The following NEK6 variants were observed in gnomAD, a reference collection of about 807,000 sequenced individuals.
NEK6 encodes serine/threonine-protein kinase Nek6.
NEK6 carries 27 observed loss-of-function variants against 43.5 expected under a neutral mutation model. The ratio of observed to expected loss-of-function variants is 0.62; its 90% CI spans 0.46 to 0.86. The LOEUF (loss-of-function observed/expected upper bound fraction) is 0.86. Among genes scored for constraint, NEK6 ranks in the 40% least tolerant of loss-of-function variants. The pLI is 0.00. For synonymous variants in NEK6, 167 were observed against 164.1 expected, an observed-to-expected ratio of 1.02 and a Z score of -0.14; for missense variants, 318 against 414.4, an observed-to-expected ratio of 0.77 and a Z score of 2.02.
intron 1 of NEK6, among the ~76,000 whole-genome samples, chr9:124,293,348 A>T (rs1466050838): frequency 1.3e-5 from 2 of 152,238 alleles, no homozygotes; most frequent in Non-Finnish European, 2.9e-5. Context: ...GGAAGCACTC[A>T]GCAGATCTCA....
chr9:124,310,158 T>C (rs1046120691), intron 2 of NEK6, among the ~76,000 whole-genome samples: 2 of 152,180 alleles, frequency 1.3e-5, no homozygotes, highest in African/African-American at 4.8e-5. Flanking sequence ...ACACCCCAGC[T>C]CTGCTGTTCT....
intron 8 of NEK6, among the ~76,000 whole-genome samples, chr9:124,347,300 T>C (rs1225273489): frequency 1.3e-5 from 2 of 152,156 alleles, no homozygotes; most frequent in Non-Finnish European, 2.9e-5. Context: ...TCTGAACATG[T>C]GGGGCACAGA....
chr9:124,279,150 G>A (rs1307402356), intron 1 of NEK6, among the ~76,000 whole-genome samples: 2 of 152,014 alleles, frequency 1.3e-5, no homozygotes, highest in South Asian at 2.1e-4. Flanking sequence ...GATACCGGAG[G>A]CATCACTTTC....
intron 8 of NEK6, among the ~76,000 whole-genome samples, chr9:124,345,061 T>C (rs907785600): frequency 4.6e-5 from 7 of 152,222 alleles, no homozygotes; most frequent in Non-Finnish European, 1.0e-4. Flanking sequence ...CACCAGCTTC[T>C]CTGAGCCCTC....
chr9:124,339,815 A>G, intron 8 of NEK6, 150 bp downstream of exon 8: 2 of 647,976 alleles, frequency 3.1e-6, no homozygotes, highest in South Asian at 3.5e-5. Flanking sequence ...CCTGTCCTTC[A>G]CCCTCCTCAG....
intron 7 of NEK6, among the ~76,000 whole-genome samples, chr9:124,333,039 C>T (rs938781125): frequency 8.5e-5 from 13 of 152,164 alleles, no homozygotes; most frequent in Admixed American, 3.3e-4. Flanking sequence ...ACACAGAGGT[C>T]GTCCTGGGCA....
intron 1 of NEK6, among the ~76,000 whole-genome samples, chr9:124,301,410 TC>T (rs1287595000): frequency 6.6e-6 from 1 of 152,170 alleles, no homozygotes; most frequent in Non-Finnish European, 1.5e-5. Flanking sequence ...GCCCTGGCCT[TC>T]CCTGTGTCAC....
chr9:124,264,964 G>A (rs572719315), intron 1 of NEK6, among the ~76,000 whole-genome samples: 11 of 152,286 alleles, frequency 7.2e-5, no homozygotes, highest in South Asian at 4.1e-4. Context: ...TTTACATAAG[G>A]AGGTTTTGCA....
At chr9:124,289,693 G>C (rs568722399) in intron 1 of NEK6, among the ~76,000 whole-genome samples, 3 of 152,204 alleles carry the variant, frequency 2.0e-5, no homozygotes, top group Admixed American at 1.3e-4. Context: ...AAATGAGCAC[G>C]TGATTAAATA....
rs556667535 is a variant in NEK6, at chr9:124,327,215, A to C, written c.515-123A>C. On this transcript the variant is annotated intron_variant, in intron 6 of 9. Coordinates refer to ENST00000320246, the MANE Select transcript of NEK6 (RefSeq NM_014397.6). ...GAGGTCCCACAGCCAGAGCCAGGAC[A>C]GGGCCTTGCCCTGAGGGAGCAGGAC... 3 of 750,836 alleles carry C rather than the reference A, an allele frequency of 4.0e-6. No individual in the cohort carries two copies. The East Asian group carries it at 7.4e-5, about 19-fold the overall frequency. 46.5% of individuals were successfully genotyped at this position (750,836 alleles called of 1,614,324 possible). A position where few individuals can be genotyped will look rare whatever the true frequency, so the allele number is the denominator to read the frequency against.
intron 8 of NEK6, among the ~76,000 whole-genome samples, chr9:124,346,321 G>A (rs1304224264): frequency 6.6e-6 from 1 of 152,140 alleles, no homozygotes; most frequent in East Asian, 1.9e-4. Context: ...ACCTGTTCAT[G>A]GACGAACACA....
At chr9:124,347,540 C>T (rs1181681321) in intron 8 of NEK6, among the ~76,000 whole-genome samples, 169 bp from the exon 9 acceptor site, 3 of 152,224 alleles carry the variant, frequency 2.0e-5, no homozygotes, top group African/African-American at 7.2e-5. Flanking sequence ...GCCTGCTCCT[C>T]TGTTGAACCC....
chr9:124,340,586 G>A (rs1171554714), intron 8 of NEK6, among the ~76,000 whole-genome samples: 1 of 152,234 alleles, frequency 6.6e-6, no homozygotes, highest in Non-Finnish European at 1.5e-5. Flanking sequence ...ACCCCCCCAG[G>A]CTGTTAGACA....
At chr9:124,312,211 A>G (rs1833564992) in intron 2 of NEK6, among the ~76,000 whole-genome samples, 2 of 152,202 alleles carry the variant, frequency 1.3e-5, no homozygotes, top group South Asian at 2.1e-4. Context: ...GCCCCCAGGG[A>G]TGGGACTCAG....
At chr9:124,331,999 C>G (rs1413320187) in intron 7 of NEK6, among the ~76,000 whole-genome samples, 1 of 152,228 alleles carries the variant, frequency 6.6e-6, no homozygotes, top group Non-Finnish European at 1.5e-5. Flanking sequence ...GAGCACTAAC[C>G]CCTCGGTGGC....
chr9:124,320,164 C>T (rs992723194), intron 4 of NEK6, among the ~76,000 whole-genome samples: 4 of 152,342 alleles, frequency 2.6e-5, no homozygotes, highest in African/African-American at 9.6e-5. Context: ...GCCAGCACAC[C>T]CACCTCAGGG....
In NEK6 at chr9:124,275,887, A is replaced by G. The variant is rs945306014; in HGVS notation, c.-30+17802A>G. Among the ~76,000 whole-genome samples, 1 of 152,224 alleles carries G rather than the reference A, an allele frequency of 6.6e-6. No individual in the cohort carries two copies. The highest frequency in any genetic ancestry group is 1.5e-5 in the Non-Finnish European group (1 of 68,030). On this transcript the variant is annotated intron_variant, in intron 1 of 9. Coordinates refer to ENST00000320246, the MANE Select transcript of NEK6 (RefSeq NM_014397.6). This position sits in a 1 kb window ranked among gnomAD's most constrained non-coding sequence, Gnocchi z 4.4. ...AAGCCCAGGCCTTTTCTGGGGACAGATAGGTCAGCGGGACGGATGGAACCA... is the reference window on the plus strand; with the variant it reads ...AAGCCCAGGCCTTTTCTGGGGACAGGTAGGTCAGCGGGACGGATGGAACCA...
chr9:124,270,524 A>T (rs966600759), intron 1 of NEK6, among the ~76,000 whole-genome samples: 4 of 118,984 alleles, frequency 3.4e-5, no homozygotes, highest in African/African-American at 1.1e-4. Flanking sequence ...AAAAAGCAGT[A>T]AAAAAAAAAC....
At chr9:124,268,257 T>C (rs1412296031) in intron 1 of NEK6, among the ~76,000 whole-genome samples, 1 of 152,136 alleles carries the variant, frequency 6.6e-6, no homozygotes, top group Non-Finnish European at 1.5e-5. Flanking sequence ...AGGGAGTCAT[T>C]ATCCCTCATT....
Sources: gnomAD v4.1 joint callset for allele counts (sites outside exome capture counted in the v4.1 genomes callset) on GRCh38, gnomAD v4.1.1 for gene constraint, Gnocchi (gnomAD v3.1) non-coding constraint, MANE v1.5 for transcripts, NCBI Gene and HGNC (gene_info 2026-07-23, HGNC 2026-07-21) for gene names.